The following PVT1 variants were observed in gnomAD, a reference collection of about 807,000 sequenced individuals.
PVT1 encodes Pvt1 oncogene.
chr8:128,037,723 G>A (rs969585860), intron 4 of PVT1, among the ~76,000 whole-genome samples: 2 of 152,184 alleles, frequency 1.3e-5, no homozygotes, highest in Non-Finnish European at 2.9e-5. Flanking sequence ...AGCACACGAA[G>A]CTCAGTCTCT....
rs574620552 is a variant in PVT1, at chr8:127,810,577, A to G, written n.372+14506A>G. 1.2e-4 allele frequency among the ~76,000 whole-genome samples: 19 copies of G among 152,332 alleles called. No individual in the cohort carries two copies. In the South Asian group the frequency reaches 3.7e-3, roughly 30 times the overall value. The stretch of plus-strand genomic sequence containing the variant: ...CTTGGGGTCAGAAATAAGGATTGGC[A>G]GGATTGCCTGGGGTTAGAAATAGTG... On this transcript the variant is annotated intron_variant and non_coding_transcript_variant, in intron 2 of 10. Coordinates refer to ENST00000651587, the Ensembl canonical transcript of PVT1.
intron 3 of PVT1, among the ~76,000 whole-genome samples, chr8:127,988,824 A>G (rs1816998981): frequency 6.6e-6 from 1 of 152,180 alleles, no homozygotes; most frequent in African/African-American, 2.4e-5. Flanking sequence ...AAGGTGAATG[A>G]AAATGCTCTA....
At chr8:128,037,986 C>T (rs1364923789) in intron 4 of PVT1, among the ~76,000 whole-genome samples, 4 of 152,200 alleles carry the variant, frequency 2.6e-5, no homozygotes, top group African/African-American at 9.6e-5. Context: ...TATTCCTCTA[C>T]TTTCTTATCT....
intron 2 of PVT1, among the ~76,000 whole-genome samples, chr8:127,801,238 GT>G (rs1814462174): frequency 6.6e-6 from 1 of 152,070 alleles, no homozygotes; most frequent in African/African-American, 2.4e-5. Flanking sequence ...GGTGTTTTTT[GT>G]TTTTGTTTTT....
chr8:128,058,672 G>T (rs1813791827), intron 4 of PVT1, among the ~76,000 whole-genome samples: 1 of 152,266 alleles, frequency 6.6e-6, no homozygotes, highest in East Asian at 1.9e-4. Flanking sequence ...CTAAATCTTT[G>T]TGAATATGTT....
chr8:127,939,714 G>A (rs1056492606), intron 3 of PVT1: 12 of 152,192 alleles, frequency 7.9e-5, no homozygotes, highest in African/African-American at 2.4e-4. Context: ...TAACAGAGAA[G>A]ATGAAGAGAT....
At chr8:127,966,754 T>A (rs1816707028) in intron 3 of PVT1, among the ~76,000 whole-genome samples, 1 of 152,224 alleles carries the variant, frequency 6.6e-6, no homozygotes, top group African/African-American at 2.4e-5. Context: ...ATGTCAGCGC[T>A]GTAAAAGTCA....
chr8:127,842,929 G>A (rs1337494321), intron 2 of PVT1, among the ~76,000 whole-genome samples: 1 of 152,170 alleles, frequency 6.6e-6, no homozygotes, highest in East Asian at 1.9e-4. Context: ...AAGTAGCATA[G>A]GGCTAGAAGG....
chr8:128,089,477 C>G (rs377274972), intron 5 of PVT1, among the ~76,000 whole-genome samples: 1 of 152,078 alleles, frequency 6.6e-6, no homozygotes, highest in African/African-American at 2.4e-5. Context: ...ATGACCATCA[C>G]CCCCAAAAGG....
chr8:127,952,827 C>T lies in PVT1; in HGVS notation n.783-36335C>T, dbSNP rs57740070. Among the ~76,000 whole-genome samples the T allele has an allele frequency of 2.5e-3, 372 of 151,460 alleles. 12 individuals carry two copies. In the East Asian group the frequency reaches 0.068, roughly 28 times the overall value. On this transcript the variant is annotated intron_variant and non_coding_transcript_variant, in intron 3 of 10. Coordinates refer to ENST00000651587, the Ensembl canonical transcript of PVT1. ...TGGCCCAGGCTGGAGTGCAAAGGCG[C>T]GATCTCAGCTCACTGCAACCTCCAC...
chr8:127,922,632 C>T (rs1182591510), intron 3 of PVT1, among the ~76,000 whole-genome samples: 1 of 152,204 alleles, frequency 6.6e-6, no homozygotes, highest in Non-Finnish European at 1.5e-5. Flanking sequence ...GGACCCAGGA[C>T]TCCTTGAAGA....
intron 2 of PVT1, among the ~76,000 whole-genome samples, chr8:127,823,969 G>A (rs538130512): frequency 1.2e-3 from 176 of 152,286 alleles, no homozygotes; most frequent in African/African-American, 4.2e-3. Flanking sequence ...GAGGCGGGAG[G>A]ATCTCTTGAG....
At chr8:127,847,301 G>A (rs1361914368) in intron 2 of PVT1, among the ~76,000 whole-genome samples, 8 of 152,124 alleles carry the variant, frequency 5.3e-5, no homozygotes, top group African/African-American at 1.2e-4. Context: ...AAATACCAAC[G>A]TTGTATAATA....
chr8:128,099,489 C>T (rs572372339), intron 6 of PVT1: 1 of 152,464 alleles, frequency 6.6e-6, no homozygotes, highest in East Asian at 1.9e-4. Flanking sequence ...CACGCCTTCC[C>T]TCCTTCTGGA....
intron 2 of PVT1, among the ~76,000 whole-genome samples, chr8:127,862,560 A>G (rs1421072226): frequency 2.6e-5 from 4 of 152,118 alleles, no homozygotes; most frequent in Non-Finnish European, 5.9e-5. Flanking sequence ...TCAGCCTCCC[A>G]CAGGTGCACA....
At chr8:127,813,420 AGT>A (rs1255231538) in intron 2 of PVT1, among the ~76,000 whole-genome samples, 1 of 151,942 alleles carries the variant, frequency 6.6e-6, no homozygotes, top group Non-Finnish European at 1.5e-5. Flanking sequence ...AACTAAGAAA[AGT>A]GTGCAAACAT....
intron 3 of PVT1, among the ~76,000 whole-genome samples, chr8:127,950,143 G>A (rs1324648715): frequency 6.6e-6 from 1 of 150,684 alleles, no homozygotes; most frequent in Non-Finnish European, 1.5e-5. Context: ...ATAAACTTCC[G>A]GGGCACATGC....
chr8:127,863,110 A>T (rs866618641), intron 2 of PVT1, among the ~76,000 whole-genome samples: 1 of 134,880 alleles, frequency 7.4e-6, no homozygotes, highest in East Asian at 2.1e-4. Flanking sequence ...TTATTTATTT[A>T]TTTATTTATT....
At chr8:127,881,053 G>A (rs1815461453) in intron 2 of PVT1, among the ~76,000 whole-genome samples, 1 of 152,238 alleles carries the variant, frequency 6.6e-6, no homozygotes, top group Non-Finnish European at 1.5e-5. Flanking sequence ...GCTGCATCAT[G>A]CCCATGAAGG....
Sources: gnomAD v4.1 joint callset for allele counts (sites outside exome capture counted in the v4.1 genomes callset) on GRCh38, gnomAD v4.1.1 for gene constraint, MANE v1.5 for transcripts, NCBI Gene and HGNC (gene_info 2026-07-23, HGNC 2026-07-21) for gene names.